Variants in ZC3H6 observed in about 807,000 individuals in gnomAD.
ZC3H6 encodes the protein zinc finger CCCH-type containing 6.
ZC3H6 carries 40 observed loss-of-function variants against 107.7 expected under a neutral mutation model. The observed-to-expected ratio is 0.37, with a 90% CI of 0.29 to 0.48. ZC3H6 has a LOEUF of 0.48. Among genes scored for constraint, ZC3H6 ranks in the 20% least tolerant of loss-of-function variants. The probability of loss-of-function intolerance (pLI) is 0.98; values close to 1 mark genes in which losing one functional copy is unlikely to be tolerated. For missense variants in ZC3H6, 1,267 were observed against 1,410.4 expected (o/e 0.90, Z 1.63); for synonymous variants, 493 against 487.9 (o/e 1.01, Z -0.14).
chr2:112,287,826 T>A (rs1686635302), intron 1 of ZC3H6, among the ~76,000 whole-genome samples: 3 of 152,216 alleles, frequency 2.0e-5, no homozygotes, highest in Non-Finnish European at 4.4e-5. Context: ...ATGCTCTAGA[T>A]CTCCTGACCT....
intron 5 of ZC3H6, among the ~76,000 whole-genome samples, chr2:112,316,239 T>C (rs969795868): frequency 6.7e-6 from 1 of 149,388 alleles, no homozygotes; most frequent in African/African-American, 2.5e-5. Flanking sequence ...TTTAAAAAGT[T>C]ATTCATCTTC....
Position 112,303,340 on chromosome 2 carries a change from C to A in ZC3H6, c.325C>A (p.Pro109Thr). The change falls in exon 3 of 12, where the codon CCA becomes ACA. Residue 109 changes from proline to threonine, a missense_variant. By Grantham distance (38) the Pro-to-Thr change is conservative. Coordinates refer to ENST00000409871, the MANE Select transcript of ZC3H6 (RefSeq NM_198581.3). ...TGGTTTCTACAGGGATTATGACATT[C>A]CATTTACTCAGGTATTGCCATTTTT... Reference protein sequence around the residue: ...RTGFYRDYDIPFTQRGHISGS... With the variant: ...RTGFYRDYDITFTQRGHISGS... 6.2e-7 allele frequency: 1 copy of A among 1,611,674 alleles called. No individual in the cohort carries two copies. Among genetic ancestry groups the A allele is most frequent in the South Asian group, 1.1e-5 (1 of 90,628 alleles).
chr2:112,319,400 C>CT (rs1676761277), intron 7 of ZC3H6, among the ~76,000 whole-genome samples: 1 of 152,154 alleles, frequency 6.6e-6, no homozygotes, highest in African/African-American at 2.4e-5. Context: ...AATCCCACCA[C>CT]TTTCGGAGGC....
At chr2:112,297,751 T>G (rs954094436) in intron 1 of ZC3H6, among the ~76,000 whole-genome samples, 27 of 152,250 alleles carry the variant, frequency 1.8e-4, no homozygotes, top group Middle Eastern at 3.4e-3. Context: ...GTGGCTTGAG[T>G]TTTGTTACTA....
At chr2:112,285,813 T>C (rs950778833) in intron 1 of ZC3H6, among the ~76,000 whole-genome samples, 15 of 151,948 alleles carry the variant, frequency 9.9e-5, no homozygotes, top group Admixed American at 7.2e-4. Flanking sequence ...ATACAAAAAT[T>C]AGCTGGGTGT....
rs79352515 is a variant in ZC3H6 at position 112,324,740 on chromosome 2, C to T, written c.1852+77C>T. On this transcript the variant is annotated intron_variant, in intron 10 of 11. Coordinates refer to ENST00000409871, the MANE Select transcript of ZC3H6 (RefSeq NM_198581.3). ...TTTTTCATTAAAAGCATGACAGAAA[C>T]GTAAGTTTTAAGTAAAGCTGAGTAA... The T allele has an allele frequency of 3.3e-3, 4,560 of 1,374,090 alleles. 129 individuals are homozygous for T. In the African/African-American group the frequency reaches 0.058, roughly 18 times the overall value. The allele number at this position is 1,374,090 out of a possible 1,614,324, so 85.1% of individuals were successfully genotyped here.
intron 1 of ZC3H6, among the ~76,000 whole-genome samples, chr2:112,282,573 A>G (rs1202886527): frequency 1.3e-5 from 2 of 152,204 alleles, no homozygotes; most frequent in African/African-American, 2.4e-5. Flanking sequence ...TCCCAAGATC[A>G]CAAAGTAAGT....
chr2:112,307,940 AAATTGATACTCATCT>A (rs1047470884), intron 3 of ZC3H6, among the ~76,000 whole-genome samples: 3 of 152,232 alleles, frequency 2.0e-5, no homozygotes, highest in African/African-American at 7.2e-5. Flanking sequence ...CTCCAGAGAA[AAATTGATACTCATCT>A]ATTAACAAAG....
chr2:112,316,833 C>T (rs1160053082), intron 6 of ZC3H6, among the ~76,000 whole-genome samples: 1 of 152,132 alleles, frequency 6.6e-6, no homozygotes, highest in Non-Finnish European at 1.5e-5. Context: ...AAGTACTGTT[C>T]AAAGTACAAC....
Position 112,338,745 on chromosome 2 carries a change from T to A in ZC3H6, c.*6257T>A, listed in dbSNP as rs960734863. 16 of 151,138 alleles carry A rather than the reference T, an allele frequency of 1.1e-4. No homozygotes were observed. In the East Asian group the frequency reaches 2.9e-3, roughly 27 times the overall value. 9.4% of individuals were successfully genotyped at this position (151,138 alleles called of 1,614,324 possible). A position where few individuals can be genotyped will look rare whatever the true frequency, so the allele number is the denominator to read the frequency against. ...TGATATGTAATTTATTGTAAAGAAA[T>A]TAAATATATAGAGGCTCAATTAAAA... On this transcript the variant is annotated 3_prime_UTR_variant, in exon 12 of 12. Coordinates refer to ENST00000409871, the MANE Select transcript of ZC3H6 (RefSeq NM_198581.3).
intron 5 of ZC3H6, among the ~76,000 whole-genome samples, chr2:112,315,884 G>T (rs2104716478): frequency 6.6e-6 from 1 of 152,118 alleles, no homozygotes; most frequent in East Asian, 1.9e-4. Context: ...TGCCTGATCT[G>T]TAAACAGTTT....
intron 3 of ZC3H6, among the ~76,000 whole-genome samples, chr2:112,306,891 T>C (rs2104710144): frequency 6.6e-6 from 1 of 152,336 alleles, no homozygotes; most frequent in Non-Finnish European, 1.5e-5. Context: ...TTCTTCCTGA[T>C]GGGGTGATAC....
rs749442741 is a variant in ZC3H6 at position 112,281,079 on chromosome 2, CAT to C, written c.32+5056_32+5057del. Reference sequence around the variant, plus strand: ...AAAGAAAAAACTTGGTGTAATGAAACATATTTTCTTGGGAGAGACAGAAAATA... The same window carrying C: ...AAAGAAAAAACTTGGTGTAATGAAACATTTTCTTGGGAGAGACAGAAAATA... On this transcript the variant is annotated intron_variant, in intron 1 of 11. Coordinates refer to ENST00000409871, the MANE Select transcript of ZC3H6 (RefSeq NM_198581.3). Among the ~76,000 whole-genome samples the C allele has an allele frequency of 2.2e-4, 34 of 152,082 alleles. 1 individual carries two copies. Among genetic ancestry groups the C allele is most frequent in the East Asian group, 3.9e-4 (2 of 5,194 alleles).
At chr2:112,302,434 TA>T (rs1253153183) in intron 2 of ZC3H6, among the ~76,000 whole-genome samples, 2 of 152,090 alleles carry the variant, frequency 1.3e-5, no homozygotes, top group African/African-American at 4.8e-5. Context: ...CCTTCCCTTG[TA>T]AAAGCATCAG....
intron 1 of ZC3H6, among the ~76,000 whole-genome samples, chr2:112,294,296 A>G (rs1453686756): frequency 1.3e-5 from 2 of 152,230 alleles, no homozygotes; most frequent in Non-Finnish European, 2.9e-5. Flanking sequence ...CGACCGTGTG[A>G]ATTAGTACAA....
At chr2:112,300,308 G>A (rs1342920674) in intron 2 of ZC3H6, among the ~76,000 whole-genome samples, 2 of 151,850 alleles carry the variant, frequency 1.3e-5, no homozygotes, top group Non-Finnish European at 2.9e-5. Context: ...CCCAGGCTTA[G>A]GTGATCCCCC....
intron 6 of ZC3H6, 146 bp downstream of exon 6, chr2:112,316,732 C>T (rs920172786): frequency 3.6e-5 from 21 of 580,028 alleles, no homozygotes; most frequent in East Asian, 6.0e-5. Context: ...ATGGAAATAC[C>T]GTACATTAGA....
At chr2:112,292,294 C>G (rs1205359420) in intron 1 of ZC3H6, among the ~76,000 whole-genome samples, 1 of 152,232 alleles carries the variant, frequency 6.6e-6, no homozygotes, top group African/African-American at 2.4e-5. Flanking sequence ...TGCTATATGG[C>G]TTATTACCTT....
intron 1 of ZC3H6, among the ~76,000 whole-genome samples, chr2:112,292,226 C>G (rs529048458): frequency 4.6e-5 from 7 of 152,176 alleles, no homozygotes; most frequent in Non-Finnish European, 8.8e-5. Context: ...ACAATCCCCT[C>G]CCCTATTTTC....
Sources: gnomAD v4.1 joint callset for allele counts (sites outside exome capture counted in the v4.1 genomes callset) on GRCh38, gnomAD v4.1.1 for gene constraint, MANE v1.5 for transcripts, NCBI Gene and HGNC (gene_info 2026-07-23, HGNC 2026-07-21) for gene names.